CHRNA6: variants seen among roughly 807,000 people sequenced by gnomAD.
The protein encoded by CHRNA6 is neuronal acetylcholine receptor subunit alpha-6.
CHRNA6 carries 31 observed loss-of-function variants against 40.9 expected under a neutral mutation model. The observed-to-expected ratio is 0.76, with a 90% CI of 0.57 to 1.02. CHRNA6 has a LOEUF of 1.02. Among genes scored for constraint, CHRNA6 ranks in the 50% least tolerant of loss-of-function variants. The pLI is 0.00. For missense variants in CHRNA6, 546 were observed against 596.6 expected (o/e 0.92, Z 0.88); for synonymous variants, 222 against 221.3 (o/e 1.00, Z -0.03).
At chr8:42,754,613 C>T (rs554016396) in intron 5 of CHRNA6, among the ~76,000 whole-genome samples, 4 of 152,272 alleles carry the variant, frequency 2.6e-5, no homozygotes, top group East Asian at 1.9e-4. Context: ...GGCGGACTTT[C>T]GGTTTCACAG....
At chr8:42,761,730 C>T (rs544797363) in intron 2 of CHRNA6, among the ~76,000 whole-genome samples, 6 of 152,204 alleles carry the variant, frequency 3.9e-5, no homozygotes, top group Admixed American at 6.5e-5. Flanking sequence ...ACATCTCTGC[C>T]GGAGGAGTCC....
rs1266770675 is a variant in CHRNA6, at chr8:42,753,338, G to GT, written c.1354-29dup. On this transcript the variant is annotated intron_variant, in intron 5 of 5. Coordinates refer to ENST00000276410, the MANE Select transcript of CHRNA6 (RefSeq NM_004198.3). ...GAAATGCAAACAAAAATTAAGAGCT[G>GT]TTTTAAAAAACCAAAACCATAAGAA... 6 of 1,589,496 alleles carry GT rather than the reference G, an allele frequency of 3.8e-6. No individual in the cohort carries two copies. In the Admixed American group the frequency reaches 1.2e-4, roughly 31 times the overall value.
At position 42,756,690 on chromosome 8, in the gene CHRNA6, T is replaced by C; in HGVS notation, c.509A>G (p.Gln170Arg). The change falls in exon 5 of 6, where the codon CAA becomes CGA. Residue 170 changes from glutamine to arginine, a missense_variant. Around this residue, in one of 3 missense-constraint regions of CHRNA6, gnomAD observed 476 missense variants for 494.5 expected, o/e 0.96. Coordinates refer to ENST00000276410, the MANE Select transcript of CHRNA6 (RefSeq NM_004198.3). ...GGAACCAAATTTTAGGGAACAGTTT[T>C]GATGATCAAAAGGGAAAAAGGTGAT... ...MDITFFPFDH[Q>R]NCSLKFGSWT... 1 of 1,614,200 alleles carries C rather than the reference T, an allele frequency of 6.2e-7. No individual in the cohort carries two copies.
In CHRNA6 at chr8:42,761,699, T is replaced by C. The variant is rs140845217; in HGVS notation, c.220-2586A>G. On this transcript the variant is annotated intron_variant, in intron 2 of 5. Transcript: ENST00000276410. Reference sequence around the variant, plus strand: ...TCCATCCAATTCCAGATCCCACCAATGGGCATGGCACTGCTATCAGACATC... The same window carrying C: ...TCCATCCAATTCCAGATCCCACCAACGGGCATGGCACTGCTATCAGACATC... Among the ~76,000 whole-genome samples the C allele has an allele frequency of 3.3e-3, 498 of 152,318 alleles. 2 individuals carry two copies. Among genetic ancestry groups the C allele is most frequent in the South Asian group, 5.6e-3 (27 of 4,834 alleles).
intron 1 of CHRNA6, among the ~76,000 whole-genome samples, chr8:42,766,231 G>A (rs747651680): frequency 7.2e-5 from 11 of 152,168 alleles, no homozygotes; most frequent in African/African-American, 2.7e-4. Context: ...GGTGGCTCAC[G>A]CCTGTAATCT....
intron 2 of CHRNA6, among the ~76,000 whole-genome samples, chr8:42,761,510 T>G (rs1816903812): frequency 6.6e-6 from 1 of 152,238 alleles, no homozygotes; most frequent in East Asian, 1.9e-4. Context: ...CACACTGTGT[T>G]CAGAAGGCTG....
chr8:42,755,731 A>G, intron 5 of CHRNA6, 115 bp downstream of exon 5: 2 of 1,227,676 alleles, frequency 1.6e-6, no homozygotes, highest in Non-Finnish European at 2.3e-6. Context: ...TCTCAGAGCA[A>G]GGCCGCCTGA....
Position 42,759,074 on chromosome 8 carries a change from G to T in CHRNA6, c.259C>A (p.Arg87Ser), listed in dbSNP as rs201337765. 1 of 1,612,488 alleles carries T rather than the reference G, an allele frequency of 6.2e-7. No individual in the cohort carries two copies. The highest frequency in any genetic ancestry group is 8.5e-7 in the Non-Finnish European group (1 of 1,178,550). ...CACATGATATAGGCACATACGTGAC[G>T]CAGCCACAAATTGGTTTCCATGATC... ...NQIMETNLWL[R>S]HIWNDYKLRW... is the part of the protein sequence containing the mutation. The change falls in exon 3 of 6, where the codon CGT becomes AGT. Residue 87 changes from arginine to serine, a missense_variant. By Grantham distance (110) the Arg-to-Ser change is moderately radical. Coordinates refer to ENST00000276410, the MANE Select transcript of CHRNA6 (RefSeq NM_004198.3).
intron 2 of CHRNA6, 39 bp from the exon 3 acceptor site, chr8:42,759,152 T>C (rs1233854547): frequency 1.3e-6 from 2 of 1,563,178 alleles, no homozygotes; most frequent in Non-Finnish European, 8.8e-7. Flanking sequence ...TCAAATGTGC[T>C]TGCCATAGAG....
Position 42,754,828 on chromosome 8 carries a change from C to T in CHRNA6, c.1353+1018G>A, listed in dbSNP as rs191020635. Among the ~76,000 whole-genome samples the T allele has an allele frequency of 9.2e-5, 14 of 152,210 alleles. No individual in the cohort carries two copies. In the East Asian group the frequency reaches 9.7e-4, roughly 11 times the overall value. The stretch of plus-strand genomic sequence containing the variant: ...GGACAGCAGGAACAGAGTACGTGAA[C>T]GCTAAAAATATCCCTGGGGCTCATT... On this transcript the variant is annotated intron_variant, in intron 5 of 5. Coordinates refer to ENST00000276410, the MANE Select transcript of CHRNA6 (RefSeq NM_004198.3).
chr8:42,759,026 T>G (rs759202690), intron 3 of CHRNA6, 43 bp downstream of exon 3: 2 of 1,483,200 alleles, frequency 1.3e-6, no homozygotes, highest in South Asian at 2.3e-5. Flanking sequence ...GTGGGTTTTA[T>G]CCATTCAACA....
chr8:42,755,998 A>T lies in CHRNA6; in HGVS notation c.1201T>A (p.Ser401Thr). 1 of 1,614,114 alleles carries T rather than the reference A, an allele frequency of 6.2e-7. No homozygotes were observed. The highest frequency in any genetic ancestry group is 8.5e-7 in the Non-Finnish European group (1 of 1,180,020). The change falls in exon 5 of 6, where the codon TCA (serine) becomes ACA (threonine). Residue 401 changes from serine to threonine, a missense_variant. This residue lies in a region of CHRNA6 where 476 missense variants were observed against 494.5 expected (regional missense o/e 0.96). Transcript: ENST00000276410. ...CTCTTGCTTGTGGCAAGCTCATTTG[A>T]TTTGTGACAATGGAAGCATTCTTTA... ...HLKECFHCHK[S>T]NELATSKRRL...
intron 2 of CHRNA6, chr8:42,759,494 C>G (rs562692863): frequency 4.5e-5 from 9 of 200,336 alleles, no homozygotes; most frequent in African/African-American, 2.0e-4. Flanking sequence ...ATTCCAACCC[C>G]GCACAGTGTT....
chr8:42,753,544 T>G (rs1009681000), intron 5 of CHRNA6, among the ~76,000 whole-genome samples: 4 of 152,096 alleles, frequency 2.6e-5, no homozygotes, highest in African/African-American at 7.2e-5. Flanking sequence ...AATGGTGGCA[T>G]GTGCCTGTAG....
chr8:42,753,477 C>T (rs1816752162), intron 5 of CHRNA6, among the ~76,000 whole-genome samples, 167 bp from the exon 6 acceptor site: 1 of 152,096 alleles, frequency 6.6e-6, no homozygotes, highest in Admixed American at 6.6e-5. Flanking sequence ...AGTTCAAGAC[C>T]AGCCTGGGCA....
chr8:42,756,207 G>A lies in CHRNA6; in HGVS notation c.992C>T (p.Thr331Ile), dbSNP rs976951248. 1.9e-6 allele frequency: 3 copies of A among 1,614,110 alleles called. No homozygotes were observed. The highest frequency in any genetic ancestry group is 1.3e-5 in the African/African-American group (1 of 74,934). The change falls in exon 5 of 6, where the codon ACC becomes ATC. Residue 331 changes from threonine to isoleucine, a missense_variant. By Grantham distance (89) the Thr-to-Ile change is moderately conservative. Around this residue, in one of 3 missense-constraint regions of CHRNA6, gnomAD observed 476 missense variants for 494.5 expected, o/e 0.96. Transcript: ENST00000276410. ...TVFVLNIHYR[T>I]PTTHTMPRWV... is the part of the protein sequence containing the mutation. Reference sequence around the variant, plus strand: ...CCTGGGCATTGTGTGCGTGGTTGGGGTGCGGTAGTGTATGTTCAACACAAA... The same window carrying A: ...CCTGGGCATTGTGTGCGTGGTTGGGATGCGGTAGTGTATGTTCAACACAAA...
Position 42,768,530 on chromosome 8 carries a change from G to A in CHRNA6, c.-100C>T. ...GCATCCAACCTTGACATCATCAGAA[G>A]CCCACTGCAATCCGTGTGTGTCTTC... On this transcript the variant is annotated 5_prime_UTR_variant, in exon 1 of 6. Transcript: ENST00000276410. The A allele has an allele frequency of 1.3e-6, 1 of 794,952 alleles. No individual in the cohort carries two copies. The highest frequency in any genetic ancestry group is 2.5e-5 in the East Asian group (1 of 40,204). The allele number at this position is 794,952 out of a possible 1,614,324, so 49.2% of individuals were successfully genotyped here.
rs1349980128 is a variant in CHRNA6 at position 42,752,645 on chromosome 8, A to G, written c.*534T>C. Reference sequence around the variant, plus strand: ...TTTTTTTTTTTTTTTTTTTAAAACTAACAATCAGTGTATCAAATAATGCTG... The same window carrying G: ...TTTTTTTTTTTTTTTTTTTAAAACTGACAATCAGTGTATCAAATAATGCTG... On this transcript the variant is annotated 3_prime_UTR_variant, in exon 6 of 6. Coordinates refer to ENST00000276410, the MANE Select transcript of CHRNA6 (RefSeq NM_004198.3). 6.8e-6 allele frequency: 1 copy of G among 147,422 alleles called. No homozygotes were observed. Among genetic ancestry groups the G allele is most frequent in the Non-Finnish European group, 1.5e-5 (1 of 67,014 alleles). 9.1% of individuals were successfully genotyped at this position (147,422 alleles called of 1,614,324 possible). A position where few individuals can be genotyped will look rare whatever the true frequency, so the allele number is the denominator to read the frequency against.
intron 3 of CHRNA6, among the ~76,000 whole-genome samples, chr8:42,758,449 C>T (rs1406230266): frequency 1.3e-5 from 2 of 151,944 alleles, no homozygotes; most frequent in Admixed American, 6.6e-5. Flanking sequence ...CAACCTCTGC[C>T]TACTGGTTCA....
Sources: gnomAD v4.1 joint callset for allele counts (sites outside exome capture counted in the v4.1 genomes callset) on GRCh38, gnomAD v4.1.1 for gene constraint, gnomAD v4.1.1 regional missense constraint, MANE v1.5 for transcripts, NCBI Gene and HGNC (gene_info 2026-07-23, HGNC 2026-07-21) for gene names.